The following PRIM2 variants were observed in gnomAD, a reference collection of about 807,000 sequenced individuals.
PRIM2 encodes the protein DNA primase subunit 2.
PRIM2 carries 39 observed loss-of-function variants against 67.3 expected under a neutral mutation model. The observed-to-expected ratio is 0.58, with a 90% CI of 0.45 to 0.76. The LOEUF (loss-of-function observed/expected upper bound fraction) is 0.76, where lower values mean the gene tolerates loss of function less well. PRIM2 is among the 30% of genes least tolerant of loss of function. The pLI is 0.00. For missense variants in PRIM2, 398 were observed against 598.7 expected, an observed-to-expected ratio of 0.66 and a Z score of 3.50; for synonymous variants, 143 against 198.7, an observed-to-expected ratio of 0.72 and a Z score of 2.36.
chr6:57,437,785 C>G (rs1489384928), intron 7 of PRIM2, among the ~76,000 whole-genome samples: 3 of 151,572 alleles, frequency 2.0e-5, no homozygotes, highest in Non-Finnish European at 4.4e-5. Flanking sequence ...CCTACCTAGC[C>G]TCTCGAGTAG....
intron 10 of PRIM2, among the ~76,000 whole-genome samples, chr6:57,543,235 G>A (rs1291304358): frequency 2.0e-5 from 3 of 152,058 alleles, no homozygotes; most frequent in Non-Finnish European, 2.9e-5. Context: ...CACCGCGCCC[G>A]GCCAGGATAT....
chr6:57,491,687 GC>G (rs1336350235), intron 7 of PRIM2, among the ~76,000 whole-genome samples: 1 of 152,106 alleles, frequency 6.6e-6, no homozygotes, highest in Non-Finnish European at 1.5e-5. Context: ...CTTTAGCTCA[GC>G]TAGTTTTGGG....
chr6:57,315,042 T>G (rs1421218080), upstream of PRIM2: 1 of 152,224 alleles, frequency 6.6e-6, no homozygotes, highest in Non-Finnish European at 1.5e-5. Context: ...GCAGCTATTA[T>G]GTGACATAGT....
intron 7 of PRIM2, among the ~76,000 whole-genome samples, chr6:57,473,355 A>G (rs1180954482): frequency 2.0e-5 from 3 of 152,224 alleles, no homozygotes; most frequent in Non-Finnish European, 4.4e-5. Flanking sequence ...TTATAGCACC[A>G]TGCCAGACTT....
At chr6:57,447,971 G>A (rs1392632103) in intron 7 of PRIM2, among the ~76,000 whole-genome samples, 5 of 152,132 alleles carry the variant, frequency 3.3e-5, no homozygotes, top group Admixed American at 6.5e-5. Context: ...GAGTAAATTT[G>A]AGGGTAGTTC....
At chr6:57,319,707 G>T (rs1486629315) in intron 2 of PRIM2, among the ~76,000 whole-genome samples, 1 of 152,066 alleles carries the variant, frequency 6.6e-6, no homozygotes, top group Non-Finnish European at 1.5e-5. Context: ...AGGAGTGAGG[G>T]AGCAGGTGTG....
chr6:57,248,724 T>G, the PRIM2 span, among the ~76,000 whole-genome samples: 1 of 152,096 alleles, frequency 6.6e-6, no homozygotes, highest in East Asian at 1.9e-4. Flanking sequence ...TCAGAGGTAG[T>G]TTCATTTTTC....
chr6:57,273,921 A>G, the PRIM2 span, among the ~76,000 whole-genome samples: 8 of 152,314 alleles, frequency 5.3e-5, no homozygotes, highest in East Asian at 1.4e-3. Flanking sequence ...GGGTATCAGC[A>G]GCGGTGGCTG....
chr6:57,430,709 C>T (rs1178302343), intron 7 of PRIM2, among the ~76,000 whole-genome samples: 4 of 152,066 alleles, frequency 2.6e-5, no homozygotes, highest in Admixed American at 1.3e-4. Flanking sequence ...AATCTGCCCA[C>T]CTTGGCCTCC....
chr6:57,625,573 G>A (rs1253739958), intron 12 of PRIM2, among the ~76,000 whole-genome samples: 1 of 152,084 alleles, frequency 6.6e-6, no homozygotes, highest in Admixed American at 6.6e-5. Flanking sequence ...ATTAGATTTG[G>A]CTTTTAGAAA....
chr6:57,288,485 GCCT>G, the PRIM2 span, among the ~76,000 whole-genome samples: 2 of 152,198 alleles, frequency 1.3e-5, no homozygotes, highest in African/African-American at 4.8e-5. Context: ...TGGACAGACT[GCCT>G]CCTCAAGTGG....
intron 7 of PRIM2, among the ~76,000 whole-genome samples, chr6:57,434,057 T>C (rs1207904351): frequency 1.3e-5 from 2 of 151,854 alleles, no homozygotes; most frequent in Non-Finnish European, 2.9e-5. Context: ...CCCTGGCAGC[T>C]GGGATTACAA....
intron 10 of PRIM2, among the ~76,000 whole-genome samples, chr6:57,573,249 T>C (rs1406236887): frequency 6.6e-6 from 1 of 152,248 alleles, no homozygotes; most frequent in Non-Finnish European, 1.5e-5. Flanking sequence ...ACATGTGTTG[T>C]GTTTCTCATT....
intron 5 of PRIM2, among the ~76,000 whole-genome samples, chr6:57,334,838 T>A (rs190384024): frequency 6.6e-6 from 1 of 152,324 alleles, no homozygotes; most frequent in Admixed American, 6.5e-5. Context: ...TAGATTGATA[T>A]GTTTTTACTG....
chr6:57,267,091 G>A, the PRIM2 span, among the ~76,000 whole-genome samples: 1 of 152,172 alleles, frequency 6.6e-6, no homozygotes, highest in Non-Finnish European at 1.5e-5. Context: ...TTCTTAAAAT[G>A]CATGCAGTGC....
the PRIM2 span, among the ~76,000 whole-genome samples, chr6:57,286,031 C>A: frequency 1.1e-4 from 16 of 152,170 alleles, no homozygotes; most frequent in African/African-American, 3.9e-4. Flanking sequence ...AATAAAATAC[C>A]TAGGAATACA....
At chr6:57,384,489 G>T (rs1770068656) in intron 7 of PRIM2, among the ~76,000 whole-genome samples, 1 of 152,080 alleles carries the variant, frequency 6.6e-6, no homozygotes, top group Non-Finnish European at 1.5e-5. Context: ...TCTAAATAAG[G>T]TCACATTCTG....
chr6:57,327,153 C>T lies in PRIM2; in HGVS notation c.459+1108C>T, dbSNP rs371228507. ...CTGACCTCAGGTGATACACCCGCCT[C>T]GGCCTCCCAAAGTGCTGGGATTACA... On this transcript the variant is annotated intron_variant, in intron 5 of 13. Coordinates refer to ENST00000615550, the MANE Select transcript of PRIM2 (RefSeq NM_000947.5). Among the ~76,000 whole-genome samples, 325 of 152,172 alleles carry T rather than the reference C, an allele frequency of 2.1e-3. 1 individual carries two copies. The highest frequency in any genetic ancestry group is 7.4e-3 in the African/African-American group (306 of 41,510).
At chr6:57,343,499 A>G (rs1225955953) in intron 5 of PRIM2, among the ~76,000 whole-genome samples, 1 of 152,176 alleles carries the variant, frequency 6.6e-6, no homozygotes, top group African/African-American at 2.4e-5. Context: ...GATACAGCCA[A>G]TAAGGAGTCT....
Sources: allele counts gnomAD v4.1 joint callset (sites outside exome capture counted in the v4.1 genomes callset), GRCh38; gene constraint gnomAD v4.1.1; transcripts MANE v1.5; gene names NCBI Gene and HGNC (gene_info 2026-07-23, HGNC 2026-07-21).